Variants in ARHGAP28 observed in about 807,000 individuals in gnomAD.
ARHGAP28 encodes the protein Rho GTPase activating protein 28.
Under a neutral mutation model 90.7 loss-of-function variants are expected in ARHGAP28, and 56 were observed. The observed-to-expected ratio is 0.62, with a 90% confidence interval of 0.50 to 0.77. ARHGAP28 has a LOEUF of 0.77. Among genes scored for constraint, ARHGAP28 ranks in the 30% least tolerant of loss-of-function variants. ARHGAP28 has a pLI of 0.00. For synonymous variants in ARHGAP28, 308 were observed against 323.3 expected (o/e 0.95, Z 0.51); for missense variants, 869 against 900.9 (o/e 0.96, Z 0.45).
chr18:6,812,726 AG>A (rs2056565759), intron 1 of ARHGAP28, among the ~76,000 whole-genome samples: 1 of 152,216 alleles, frequency 6.6e-6, no homozygotes, highest in Non-Finnish European at 1.5e-5. Flanking sequence ...AGAACCCCAC[AG>A]TGTGAAGTGT....
intron 3 of ARHGAP28, among the ~76,000 whole-genome samples, chr18:6,842,141 G>A (rs995074291): frequency 1.3e-5 from 2 of 152,160 alleles, no homozygotes; most frequent in Non-Finnish European, 2.9e-5. Context: ...TTGAACTCAG[G>A]AGTTTGAGAC....
At chr18:6,786,612 G>A (rs544544723) in intron 1 of ARHGAP28, among the ~76,000 whole-genome samples, 2 of 152,256 alleles carry the variant, frequency 1.3e-5, no homozygotes, top group Admixed American at 1.3e-4. Context: ...TTATTCCAAT[G>A]TCCTTGCTAT....
intron 1 of ARHGAP28, among the ~76,000 whole-genome samples, chr18:6,734,383 C>T (rs963066497): frequency 4.6e-5 from 7 of 151,896 alleles, no homozygotes; most frequent in African/African-American, 1.5e-4. Flanking sequence ...TGATATTTAT[C>T]TAGTTATACC....
intron 1 of ARHGAP28, among the ~76,000 whole-genome samples, chr18:6,730,832 TTGAG>T (rs1372691877): frequency 1.3e-5 from 2 of 152,216 alleles, no homozygotes; most frequent in African/African-American, 4.8e-5. Flanking sequence ...AGGGGGCAGT[TTGAG>T]TGGTGTGTTT....
intron 6 of ARHGAP28, among the ~76,000 whole-genome samples, chr18:6,869,152 A>C (rs976328103): frequency 6.6e-6 from 1 of 151,518 alleles, no homozygotes; most frequent in African/African-American, 2.4e-5. Flanking sequence ...GAGGCTCTTT[A>C]TAGATCCATA....
intron 1 of ARHGAP28, among the ~76,000 whole-genome samples, chr18:6,802,641 C>A (rs990318247): frequency 1.3e-5 from 2 of 151,990 alleles, no homozygotes; most frequent in African/African-American, 4.8e-5. Context: ...GCCACCATGC[C>A]CAGCCTATTT....
chr18:6,873,604 T>G, intron 8 of ARHGAP28, 30 bp downstream of exon 8: 1 of 1,611,242 alleles, frequency 6.2e-7, no homozygotes. Context: ...GCTTCTGGCT[T>G]TAACACTTTG....
In ARHGAP28 at chr18:6,780,160, A is replaced by G. The variant is rs187863892; in HGVS notation, c.123-44602A>G. ...GATGGCTGCCCAGAATCAGCTGGTCATATGCAGAAGCGAGACCACTGAGCT... is the reference window on the plus strand; with the variant it reads ...GATGGCTGCCCAGAATCAGCTGGTCGTATGCAGAAGCGAGACCACTGAGCT... On this transcript the variant is annotated intron_variant, in intron 1 of 17. Transcript: ENST00000383472. Among the ~76,000 whole-genome samples the G allele has an allele frequency of 1.2e-4, 18 of 152,328 alleles. No homozygotes were observed. The East Asian group carries it at 3.1e-3, about 26-fold the overall frequency.
chr18:6,730,236 T>TATATATATATATATATATATAG, intron 1 of ARHGAP28: 1 of 198,762 alleles, frequency 5.0e-6, no homozygotes, highest in African/African-American at 2.4e-5. Context: ...TATATATATA[T>TATATATATATATATATATATAG]ACCTCATTTC....
chr18:6,799,519 G>A lies in ARHGAP28; in HGVS notation c.123-25243G>A, dbSNP rs114965799. 4.5e-3 allele frequency among the ~76,000 whole-genome samples: 678 copies of A among 152,264 alleles called. 6 individuals carry two copies. Among genetic ancestry groups the A allele is most frequent in the African/African-American group, 0.016 (659 of 41,556 alleles). On this transcript the variant is annotated intron_variant, in intron 1 of 17. Transcript: ENST00000383472. ...ACAGTAACCAAAACAGCATGGTTCC[G>A]GTACTAAAACAGATATATAGACCAA...
At chr18:6,889,384 T>C (rs756239899) in intron 12 of ARHGAP28, among the ~76,000 whole-genome samples, 1 of 152,226 alleles carries the variant, frequency 6.6e-6, no homozygotes, top group East Asian at 1.9e-4. Context: ...TTTTATTGTT[T>C]AGTTGAGTTT....
Position 6,729,933 on chromosome 18 carries a change from C to A in ARHGAP28, c.112C>A (p.Pro38Thr). 1 of 1,388,740 alleles carries A rather than the reference C, an allele frequency of 7.2e-7. No homozygotes were observed. Among genetic ancestry groups the A allele is most frequent in the Non-Finnish European group, 9.3e-7 (1 of 1,074,756 alleles). The allele number at this position is 1,388,740 out of a possible 1,614,324, so 86.0% of individuals were successfully genotyped here. A position where few individuals can be genotyped will look rare whatever the true frequency, so the allele number is the denominator to read the frequency against. The change falls in exon 1 of 18, where the codon CCG (proline) becomes ACG (threonine). Residue 38 changes from proline to threonine, a missense_variant. By Grantham distance (38) the Pro-to-Thr change is conservative. Coordinates refer to ENST00000383472, the MANE Select transcript of ARHGAP28 (RefSeq NM_001366230.1). ...RCAPRAAASH[P>T]LSRKSIPRCR... ...CGCGCCCCGCGCCGCAGCCAGCCAC[C>A]CGCTCAGCAGGTACCCGGAGCCGCT...
At chr18:6,795,454 C>T (rs965434641) in intron 1 of ARHGAP28, among the ~76,000 whole-genome samples, 4 of 152,148 alleles carry the variant, frequency 2.6e-5, no homozygotes, top group Non-Finnish European at 5.9e-5. Flanking sequence ...GCCTGGGCCT[C>T]ACACACATTC....
At chr18:6,785,922 C>T (rs1004697638) in intron 1 of ARHGAP28, among the ~76,000 whole-genome samples, 1 of 152,202 alleles carries the variant, frequency 6.6e-6, no homozygotes, top group African/African-American at 2.4e-5. Context: ...GAGACTGTTT[C>T]ATGAAACTTT....
At chr18:6,865,989 A>G (rs1458098534) in intron 5 of ARHGAP28, among the ~76,000 whole-genome samples, 1 of 152,190 alleles carries the variant, frequency 6.6e-6, no homozygotes, top group Non-Finnish European at 1.5e-5. Context: ...TATATTTAAA[A>G]TACATTAAAA....
intron 1 of ARHGAP28, among the ~76,000 whole-genome samples, chr18:6,821,219 A>G (rs2056624724): frequency 6.6e-6 from 1 of 152,222 alleles, no homozygotes; most frequent in Admixed American, 6.5e-5. Flanking sequence ...AATATAGTAT[A>G]AGTTATGGCT....
intron 1 of ARHGAP28, among the ~76,000 whole-genome samples, chr18:6,765,592 GC>G (rs1261972509): frequency 4.6e-5 from 7 of 151,428 alleles, no homozygotes; most frequent in African/African-American, 1.7e-4. Context: ...TCTATTGTTT[GC>G]CTGCTTACAG....
chr18:6,842,663 G>T (rs570238258), intron 3 of ARHGAP28, among the ~76,000 whole-genome samples: 1 of 152,012 alleles, frequency 6.6e-6, no homozygotes, highest in African/African-American at 2.4e-5. Context: ...ATTAAGAAAT[G>T]ACTAGATTGA....
At chr18:6,853,394 A>G (rs2056925658) in intron 4 of ARHGAP28, among the ~76,000 whole-genome samples, 1 of 152,146 alleles carries the variant, frequency 6.6e-6, no homozygotes, top group Non-Finnish European at 1.5e-5. Flanking sequence ...CATCTGCATG[A>G]TAAAACCTAG....
Sources: allele counts gnomAD v4.1 joint callset (sites outside exome capture counted in the v4.1 genomes callset), GRCh38; gene constraint gnomAD v4.1.1; transcripts MANE v1.5; gene names NCBI Gene and HGNC (gene_info 2026-07-23, HGNC 2026-07-21).